The following ADAM2 variants were observed in gnomAD, a reference collection of about 807,000 sequenced individuals.
ADAM2 encodes ADAM metallopeptidase domain 2, also known as disintegrin and metalloproteinase domain-containing protein 2.
In ADAM2, 101 loss-of-function variants were observed where a neutral mutation model predicts 99.3. That is an observed-to-expected ratio of 1.02 (90% CI 0.87 to 1.20). The LOEUF (loss-of-function observed/expected upper bound fraction) is 1.20, where lower values mean the gene tolerates loss of function less well. Among genes scored for constraint, ADAM2 ranks in the 50% most tolerant of loss-of-function variants. ADAM2 has a pLI of 0.00. For missense variants in ADAM2, 948 were observed against 878.7 expected, an observed-to-expected ratio of 1.08 and a Z score of -1.00; for synonymous variants, 323 against 287.6, an observed-to-expected ratio of 1.12 and a Z score of -1.25.
intron 20 of ADAM2, among the ~76,000 whole-genome samples, 185 bp from the exon 21 acceptor site, chr8:39,744,249 C>T (rs894148222): frequency 6.6e-6 from 1 of 151,950 alleles, no homozygotes; most frequent in African/African-American, 2.4e-5. Context: ...TAAAAAATAA[C>T]ACTGTAATAA....
intron 6 of ADAM2, among the ~76,000 whole-genome samples, chr8:39,818,433 C>T (rs1218534002): frequency 6.6e-6 from 1 of 151,960 alleles, no homozygotes; most frequent in Non-Finnish European, 1.5e-5. Flanking sequence ...CCTTCTTTAA[C>T]CTGATAAAGG....
At chr8:39,804,177 G>T (rs1804334852) in intron 7 of ADAM2, among the ~76,000 whole-genome samples, 1 of 152,188 alleles carries the variant, frequency 6.6e-6, no homozygotes, top group Non-Finnish European at 1.5e-5. Flanking sequence ...GACGTTTCAG[G>T]ATTTATGGAA....
At chr8:39,821,743 G>A in intron 4 of ADAM2, 81 bp from the exon 5 acceptor site, 3 of 1,000,724 alleles carry the variant, frequency 3.0e-6, no homozygotes, top group Non-Finnish European at 4.6e-6. Context: ...ACATATATGT[G>A]TTTTGTTTTT....
chr8:39,786,890 T>G, intron 10 of ADAM2, 84 bp downstream of exon 10: 1 of 1,042,254 alleles, frequency 9.6e-7, no homozygotes. Context: ...ATGCAAATTT[T>G]AATACACATA....
At chr8:39,782,187 C>T (rs1358161585) in intron 10 of ADAM2, among the ~76,000 whole-genome samples, 1 of 152,056 alleles carries the variant, frequency 6.6e-6, no homozygotes, top group East Asian at 1.9e-4. Context: ...ATTAAGTTTG[C>T]TGAGAGTATT....
chr8:39,815,868 T>A (rs1186772175), intron 6 of ADAM2, among the ~76,000 whole-genome samples: 1 of 152,026 alleles, frequency 6.6e-6, no homozygotes, highest in Non-Finnish European at 1.5e-5. Flanking sequence ...ATAATATGTA[T>A]AAAAATAAAA....
In ADAM2 at chr8:39,769,373, C is replaced by T; in HGVS notation, c.1212+19G>A. On this transcript the variant is annotated intron_variant, in intron 12 of 20. Transcript: ENST00000265708. ...TTTTGCTGCAATTTCAGTGCGTAGT[C>T]TTCCGAATTAGTACCAACCTGTTCA... 3 of 1,581,262 alleles carry T rather than the reference C, an allele frequency of 1.9e-6. No homozygotes were observed. The highest frequency in any genetic ancestry group is 2.6e-6 in the Non-Finnish European group (3 of 1,158,328).
In ADAM2 at chr8:39,826,879, A is replaced by C. The variant is rs370528086; in HGVS notation, c.189-1982T>G. 1.6e-4 allele frequency among the ~76,000 whole-genome samples: 24 copies of C among 152,232 alleles called. 1 individual carries two copies. The highest frequency in any genetic ancestry group is 5.8e-4 in the African/African-American group (24 of 41,546). On this transcript the variant is annotated intron_variant, in intron 3 of 20. Coordinates refer to ENST00000265708, the MANE Select transcript of ADAM2 (RefSeq NM_001464.5). Reference sequence around the variant, plus strand: ...ACAAAAGCACAGGTAACAAAACCAAAACTAGACAAAAACTAGACAAATGGG... The same window carrying C: ...ACAAAAGCACAGGTAACAAAACCAACACTAGACAAAAACTAGACAAATGGG...
chr8:39,753,944 G>T (rs1455291483), intron 16 of ADAM2, among the ~76,000 whole-genome samples: 1 of 152,106 alleles, frequency 6.6e-6, no homozygotes, highest in East Asian at 1.9e-4. Context: ...TTCTGTGAAA[G>T]TTCTTTACTA....
intron 7 of ADAM2, among the ~76,000 whole-genome samples, chr8:39,793,714 G>T (rs530947621): frequency 6.6e-6 from 1 of 152,102 alleles, no homozygotes; most frequent in African/African-American, 2.4e-5. Context: ...AAAATCTATT[G>T]GTAAAGCCCT....
chr8:39,753,837 A>C (rs1047743420), intron 16 of ADAM2, among the ~76,000 whole-genome samples: 3 of 152,168 alleles, frequency 2.0e-5, no homozygotes, highest in Non-Finnish European at 4.4e-5. Flanking sequence ...ACACTCACAC[A>C]CACACACACA....
intron 2 of ADAM2, among the ~76,000 whole-genome samples, chr8:39,834,215 ATTTG>A (rs1805727469): frequency 6.6e-6 from 1 of 152,078 alleles, no homozygotes; most frequent in East Asian, 1.9e-4. Flanking sequence ...TATATACTTT[ATTTG>A]TTTATTTTGA....
chr8:39,753,339 C>T (rs1382310757), intron 16 of ADAM2, among the ~76,000 whole-genome samples: 2 of 151,834 alleles, frequency 1.3e-5, no homozygotes, highest in Non-Finnish European at 2.9e-5. Flanking sequence ...TTTAGGCTAC[C>T]TGGCAGAAGA....
At chr8:39,772,159 C>T (rs535885910) in intron 11 of ADAM2, among the ~76,000 whole-genome samples, 18 of 150,856 alleles carry the variant, frequency 1.2e-4, no homozygotes, top group Middle Eastern at 3.5e-3. Flanking sequence ...TAATTGCATC[C>T]GATTAGAGTA....
In ADAM2 at chr8:39,838,070, A is replaced by G. The variant is rs144341984; in HGVS notation, c.55+61T>C. On this transcript the variant is annotated intron_variant, in intron 1 of 20. Coordinates refer to ENST00000265708, the MANE Select transcript of ADAM2 (RefSeq NM_001464.5). ...TCCCAGGGATGTCAATGTAACTTGGAGGCAAAGGGAGAGTAGCGCTGAGGG... is the reference window on the plus strand; with the variant it reads ...TCCCAGGGATGTCAATGTAACTTGGGGGCAAAGGGAGAGTAGCGCTGAGGG... 7 of 1,557,986 alleles carry G rather than the reference A, an allele frequency of 4.5e-6. No homozygotes were observed. The Admixed American group carries it at 8.4e-5, about 19-fold the overall frequency.
At chr8:39,749,635 T>A (rs1266257975) in intron 17 of ADAM2, 32 bp downstream of exon 17, 1 of 1,574,828 alleles carries the variant, frequency 6.3e-7, no homozygotes. Flanking sequence ...GCTCAATGAT[T>A]TCTATTTTCA....
chr8:39,769,279 T>C, intron 12 of ADAM2, 113 bp downstream of exon 12: 2 of 752,250 alleles, frequency 2.7e-6, no homozygotes, highest in Non-Finnish European at 4.3e-6. Context: ...CCCTCCTGAA[T>C]CATTTGCAGA....
chr8:39,822,343 A>C (rs994711692), intron 4 of ADAM2, among the ~76,000 whole-genome samples: 5 of 152,196 alleles, frequency 3.3e-5, no homozygotes, highest in African/African-American at 1.2e-4. Flanking sequence ...AGGAAGTTAC[A>C]TCAACCTTAA....
intron 10 of ADAM2, among the ~76,000 whole-genome samples, chr8:39,780,715 T>C (rs1253981483): frequency 1.3e-5 from 2 of 152,192 alleles, no homozygotes; most frequent in Admixed American, 1.3e-4. Context: ...TAAGATTTTG[T>C]TTCATCTTAA....
Sources: allele counts gnomAD v4.1 joint callset (sites outside exome capture counted in the v4.1 genomes callset), GRCh38; gene constraint gnomAD v4.1.1; transcripts MANE v1.5; gene names NCBI Gene and HGNC (gene_info 2026-07-23, HGNC 2026-07-21).